The following MGAM variants were observed in gnomAD, a reference collection of about 807,000 sequenced individuals.
MGAM encodes the protein maltase-glucoamylase, also known as alpha-1,4-glucosidase.
A neutral mutation model predicts 358.8 loss-of-function variants in MGAM; 253 were observed. The observed-to-expected ratio is 0.71, with a 90% CI of 0.64 to 0.78. MGAM has a LOEUF of 0.78. Among genes scored for constraint, MGAM ranks in the 30% least tolerant of loss-of-function variants. The probability of loss-of-function intolerance (pLI) is 0.00; values close to 1 mark genes in which losing one functional copy is unlikely to be tolerated. For synonymous variants in MGAM, 1,105 were observed against 1,227.1 expected (o/e 0.90, Z 2.08); for missense variants, 3,080 against 3,432.6 (o/e 0.90, Z 2.57).
chr7:142,008,831 T>C, intron 3 of MGAM, 126 bp downstream of exon 3: 1 of 985,304 alleles, frequency 1.0e-6, no homozygotes, highest in East Asian at 2.6e-5. Context: ...TTGCAGCCAT[T>C]AGTGGCTCAG....
intron 10 of MGAM, among the ~76,000 whole-genome samples, chr7:142,029,595 T>C (rs1554462516): frequency 6.6e-6 from 1 of 152,198 alleles, no homozygotes; most frequent in Non-Finnish European, 1.5e-5. Context: ...AGACAGGGAA[T>C]TGAACACTAT....
intron 57 of MGAM, among the ~76,000 whole-genome samples, chr7:142,087,053 C>A (rs111600746): frequency 0.042 from 4,401 of 104,774 alleles, 351 homozygotes; most frequent in South Asian, 0.14. Flanking sequence ...TACCTCCTAG[C>A]AGTGCCATCT....
At chr7:142,060,651 A>G (rs1311157882) in intron 34 of MGAM, among the ~76,000 whole-genome samples, 2 of 152,240 alleles carry the variant, frequency 1.3e-5, no homozygotes, top group African/African-American at 4.8e-5. Context: ...GGTGATTTCA[A>G]TTCCAAGGCT....
rs1386540780 is a variant in MGAM, at chr7:142,040,094, A to G, written c.2317-21A>G. ...ATCCATTTTATTTCCCTCAGGGGAC[A>G]CTACATTTTTTTAATTTCAGGGTGC... On this transcript the variant is annotated intron_variant, in intron 19 of 70. Transcript: ENST00000475668. The G allele has an allele frequency of 3.7e-5, 58 of 1,584,130 alleles. No individual in the cohort carries two copies. In the Admixed American group the frequency reaches 9.3e-4, roughly 25 times the overall value.
At chr7:142,095,987 G>A in intron 64 of MGAM, 2 of 612,534 alleles carry the variant, frequency 3.3e-6, no homozygotes, top group Non-Finnish European at 5.6e-6. Flanking sequence ...TCTATCTTTT[G>A]TAGCAGTTTG....
chr7:142,041,367 T>C lies in MGAM; in HGVS notation c.2498+521T>C, dbSNP rs1423208344. ...TCTTTGGAAGCCAGAAACCTGTCTT[T>C]TCTTTTGAACCTCTCTTACTGCTTT... On this transcript the variant is annotated intron_variant, in intron 21 of 70. Coordinates refer to ENST00000475668, the MANE Select transcript of MGAM (RefSeq NM_001365693.1). 4.6e-5 allele frequency among the ~76,000 whole-genome samples: 7 copies of C among 152,212 alleles called. No individual in the cohort carries two copies. The South Asian group carries it at 1.5e-3, about 32-fold the overall frequency.
At chr7:142,058,392 A>C (rs1811766479) in intron 31 of MGAM, 64 bp downstream of exon 31, 7 of 1,603,128 alleles carry the variant, frequency 4.4e-6, no homozygotes, top group Non-Finnish European at 6.0e-6. Context: ...GTCTGGGTTC[A>C]TTTGTCTAAT....
In MGAM at chr7:142,077,231, T is replaced by C. The variant is rs771051158; in HGVS notation, c.5493+405T>C. On this transcript the variant is annotated intron_variant, in intron 47 of 70. Transcript: ENST00000475668. The stretch of plus-strand genomic sequence containing the variant: ...AAAAAGGCCAGCTTGGATAGGAAAC[T>C]TGTGGTCAGGCTTTGGAGGTCTTAG... Among the ~76,000 whole-genome samples the C allele has an allele frequency of 9.6e-5, 14 of 145,874 alleles. 1 individual carries two copies. The East Asian group carries it at 1.4e-3, about 15-fold the overall frequency.
chr7:142,089,956 A>G (rs1815208590), intron 57 of MGAM, among the ~76,000 whole-genome samples: 1 of 146,292 alleles, frequency 6.8e-6, no homozygotes, highest in Non-Finnish European at 1.5e-5. Context: ...CAAACAGCCA[A>G]CAGCCCCATG....
intron 70 of MGAM, among the ~76,000 whole-genome samples, chr7:142,104,044 G>A (rs777309954): frequency 6.6e-6 from 1 of 152,062 alleles, no homozygotes; most frequent in Non-Finnish European, 1.5e-5. Context: ...AGTAGAGACA[G>A]GTTTTCACTG....
At chr7:142,052,564 G>A in intron 25 of MGAM, 118 bp downstream of exon 25, 1 of 1,419,220 alleles carries the variant, frequency 7.0e-7, no homozygotes, top group Non-Finnish European at 9.5e-7. Context: ...ACTTCCTAAG[G>A]GACAGGATCT....
intron 49 of MGAM, among the ~76,000 whole-genome samples, chr7:142,079,726 A>G (rs1428354324): frequency 4.8e-5 from 7 of 146,308 alleles, no homozygotes; most frequent in Admixed American, 4.1e-4. Flanking sequence ...CCTGGCAGAT[A>G]GTTAGTGCTG....
intron 34 of MGAM, among the ~76,000 whole-genome samples, chr7:142,062,141 T>G (rs539168767): frequency 5.6e-4 from 85 of 152,330 alleles, no homozygotes; most frequent in South Asian, 2.3e-3. Flanking sequence ...CTCCCCTCTC[T>G]CAGTGGGAAT....
In MGAM at chr7:142,041,029, T is replaced by C. The variant is rs569244203; in HGVS notation, c.2498+183T>C. Reference sequence around the variant, plus strand: ...TTCAATTCTGGGCAAACCAGGTCAGTTGATCCCTCTGTCTGCCTTGGCCAC... The same window carrying C: ...TTCAATTCTGGGCAAACCAGGTCAGCTGATCCCTCTGTCTGCCTTGGCCAC... On this transcript the variant is annotated intron_variant, in intron 21 of 70. Transcript: ENST00000475668. 5.9e-5 allele frequency among the ~76,000 whole-genome samples: 9 copies of C among 152,294 alleles called. No individual in the cohort carries two copies. The South Asian group carries it at 8.3e-4, about 14-fold the overall frequency.
At chr7:142,030,170 A>G (rs1349454177) in intron 10 of MGAM, 192 bp from the exon 11 acceptor site, 9 of 606,154 alleles carry the variant, frequency 1.5e-5, no homozygotes, top group Middle Eastern at 4.8e-4. Context: ...GCCAAGCCCT[A>G]GGGAACCAAC....
chr7:142,081,231 A>T (rs1814239033), intron 50 of MGAM, among the ~76,000 whole-genome samples: 1 of 146,448 alleles, frequency 6.8e-6, no homozygotes, highest in South Asian at 2.2e-4. Flanking sequence ...TCTTCTCATG[A>T]CAACAAATAA....
intron 32 of MGAM, 90 bp downstream of exon 32, chr7:142,059,690 G>A: frequency 1.3e-6 from 2 of 1,587,680 alleles, no homozygotes; most frequent in Admixed American, 1.7e-5. Context: ...CATGTTGCAA[G>A]TAGATAAATT....
intron 47 of MGAM, among the ~76,000 whole-genome samples, 170 bp from the exon 48 acceptor site, chr7:142,078,148 C>T (rs545732573): frequency 6.8e-6 from 1 of 146,138 alleles, no homozygotes; most frequent in East Asian, 2.0e-4. Context: ...ATAGATTCCC[C>T]CACTGTACAG....
intron 3 of MGAM, among the ~76,000 whole-genome samples, chr7:142,015,205 C>T (rs1554455654): frequency 6.6e-6 from 1 of 151,940 alleles, no homozygotes; most frequent in Admixed American, 6.6e-5. Flanking sequence ...CTGTCTTGCC[C>T]GATTTTATAT....
Sources: allele counts gnomAD v4.1 joint callset (sites outside exome capture counted in the v4.1 genomes callset), GRCh38; gene constraint gnomAD v4.1.1; transcripts MANE v1.5; gene names NCBI Gene and HGNC (gene_info 2026-07-23, HGNC 2026-07-21).